The following ZPBP variants were observed in gnomAD, a reference collection of about 807,000 sequenced individuals.
ZPBP encodes zona pellucida-binding protein 1.
ZPBP carries 26 observed loss-of-function variants against 44.8 expected under a neutral mutation model. The ratio of observed to expected loss-of-function variants is 0.58; its 90% CI spans 0.43 to 0.81. The LOEUF (loss-of-function observed/expected upper bound fraction) is 0.81. ZPBP is among the 30% of genes least tolerant of loss of function. The probability of loss-of-function intolerance (pLI) is 0.00; values close to 1 mark genes in which losing one functional copy is unlikely to be tolerated. For missense variants in ZPBP, 409 were observed against 434.0 expected, an observed-to-expected ratio of 0.94 and a Z score of 0.51; for synonymous variants, 174 against 153.2, an observed-to-expected ratio of 1.14 and a Z score of -1.00.
intron 2 of ZPBP, among the ~76,000 whole-genome samples, chr7:49,869,841 G>C (rs947852797): frequency 9.9e-5 from 15 of 151,902 alleles, no homozygotes; most frequent in Admixed American, 7.9e-4. Flanking sequence ...AATCCAAAAC[G>C]GGAAGCTTAC....
chr7:49,860,532 G>A (rs1433654676), intron 2 of ZPBP, among the ~76,000 whole-genome samples: 2 of 152,208 alleles, frequency 1.3e-5, no homozygotes, highest in African/African-American at 4.8e-5. Context: ...TCCTATCTGT[G>A]TGGCCACTGT....
rs575867233 is a variant in ZPBP at position 49,929,934 on chromosome 7, T to G, written n.411+5817A>C. ...GTTCAACACTCATTCAAAGTCCTTG[T>G]CCCCTTTTAAATTATTTTTTCTATT... On this transcript the variant is annotated intron_variant and non_coding_transcript_variant, in intron 1 of 2. Coordinates refer to the ZPBP transcript ENST00000465922. 1.7e-4 allele frequency among the ~76,000 whole-genome samples: 26 copies of G among 152,350 alleles called. No homozygotes were observed. The South Asian group carries it at 5.4e-3, about 32-fold the overall frequency.
In ZPBP at chr7:49,952,349, G is replaced by A. The variant is rs185891991; in HGVS notation, c.962-14727C>T. 4.4e-4 allele frequency among the ~76,000 whole-genome samples: 67 copies of A among 151,916 alleles called. No individual in the cohort carries two copies. In the East Asian group the frequency reaches 5.6e-3, roughly 13 times the overall value. ...TCAATCATGCATAAAACAATAAATG[G>A]TTAAAAGCAGTGGATTTAATGAATG... On this transcript the variant is annotated intron_variant, in intron 7 of 7. Transcript: ENST00000046087.
At chr7:50,049,863 T>G (rs1800597314) in intron 4 of ZPBP, among the ~76,000 whole-genome samples, 2 of 151,970 alleles carry the variant, frequency 1.3e-5, no homozygotes. Context: ...AGATTCTGTC[T>G]CTGTGTCAAC....
intron 3 of ZPBP, among the ~76,000 whole-genome samples, chr7:50,062,273 C>T (rs1035182945): frequency 1.3e-5 from 2 of 152,164 alleles, no homozygotes; most frequent in African/African-American, 4.8e-5. Flanking sequence ...AGATTCAATG[C>T]TTTTCCTATC....
intron 7 of ZPBP, among the ~76,000 whole-genome samples, chr7:49,973,607 C>T (rs1403636849): frequency 1.3e-5 from 2 of 151,986 alleles, no homozygotes; most frequent in Non-Finnish European, 2.9e-5. Context: ...ATCAATTAGT[C>T]ATTAGAGAAA....
rs569193741 is a variant in ZPBP, at chr7:50,088,553, A to C, written c.208+1076T>G. ...ATATATAGAATATATAAAGAACTCT[A>C]TAATTCAACAACAAAAAGAAAACCA... On this transcript the variant is annotated intron_variant, in intron 2 of 7. Transcript: ENST00000046087. Among the ~76,000 whole-genome samples, 3 of 152,158 alleles carry C rather than the reference A, an allele frequency of 2.0e-5. No individual in the cohort carries two copies. The South Asian group carries it at 6.2e-4, about 32-fold the overall frequency.
At chr7:49,916,248 G>A (rs1340124111) in intron 1 of ZPBP, 1 of 152,190 alleles carries the variant, frequency 6.6e-6, no homozygotes, top group East Asian at 1.9e-4. Flanking sequence ...CAACATGGAA[G>A]ACTGGTGTCT....
intron 1 of ZPBP, among the ~76,000 whole-genome samples, chr7:49,910,954 G>A (rs983070699): frequency 6.6e-6 from 1 of 152,174 alleles, no homozygotes. Flanking sequence ...TGTAATGTAT[G>A]GGAAAGTTTG....
intron 3 of ZPBP, among the ~76,000 whole-genome samples, chr7:50,062,797 C>T (rs951700886): frequency 6.6e-6 from 1 of 150,786 alleles, no homozygotes; most frequent in African/African-American, 2.5e-5. Context: ...AATACCTTCT[C>T]TTAATAACAA....
At chr7:50,061,565 G>C (rs1801235701) in intron 3 of ZPBP, among the ~76,000 whole-genome samples, 1 of 152,094 alleles carries the variant, frequency 6.6e-6, no homozygotes, top group African/African-American at 2.4e-5. Context: ...GCCAGGCATA[G>C]TGGTGCATGC....
chr7:49,922,466 C>A (rs1794065144), intron 1 of ZPBP, among the ~76,000 whole-genome samples: 1 of 152,174 alleles, frequency 6.6e-6, no homozygotes, highest in Non-Finnish European at 1.5e-5. Flanking sequence ...TTAGAACAAT[C>A]CTTCTGCCAA....
intron 4 of ZPBP, among the ~76,000 whole-genome samples, chr7:50,035,181 T>G (rs1652059354): frequency 6.6e-6 from 1 of 152,228 alleles, no homozygotes. Context: ...GGCTCTTTGT[T>G]AAAATATTAT....
chr7:50,057,386 C>T (rs1801004278), intron 4 of ZPBP, among the ~76,000 whole-genome samples: 1 of 152,124 alleles, frequency 6.6e-6, no homozygotes, highest in South Asian at 2.1e-4. Flanking sequence ...TAAATTCTCC[C>T]ACCCTGAATC....
chr7:50,050,298 A>C (rs947829351), intron 4 of ZPBP, among the ~76,000 whole-genome samples: 1 of 152,102 alleles, frequency 6.6e-6, no homozygotes, highest in Non-Finnish European at 1.5e-5. Flanking sequence ...AACAAAGACT[A>C]TTCTTGAAAA....
At chr7:49,974,885 G>GC (rs1353192733) in intron 7 of ZPBP, among the ~76,000 whole-genome samples, 3 of 238 alleles carry the variant, frequency 0.013, no homozygotes, top group Admixed American at 0.036. Context: ...CTAGAGAAAT[G>GC]CCCCATTGAG....
At chr7:49,872,084 A>G (rs926513868) in intron 2 of ZPBP, among the ~76,000 whole-genome samples, 2 of 152,144 alleles carry the variant, frequency 1.3e-5, no homozygotes, top group African/African-American at 4.8e-5. Context: ...ATATATTTAA[A>G]GAACAGTATA....
intron 1 of ZPBP, among the ~76,000 whole-genome samples, chr7:49,929,643 T>G (rs778322466): frequency 3.3e-5 from 5 of 152,242 alleles, no homozygotes; most frequent in Non-Finnish European, 5.9e-5. Context: ...TTTAAATTAG[T>G]TACTCTATTC....
chr7:49,843,838 A>G, the ZPBP span, among the ~76,000 whole-genome samples: 155 of 152,326 alleles, frequency 1.0e-3, 1 homozygote, highest in African/African-American at 3.7e-3. Flanking sequence ...AGAAAACGCA[A>G]TCTGTCAGTT....
Sources: gnomAD v4.1 joint callset for allele counts (sites outside exome capture counted in the v4.1 genomes callset) on GRCh38, gnomAD v4.1.1 for gene constraint, MANE v1.5 for transcripts, NCBI Gene and HGNC (gene_info 2026-07-23, HGNC 2026-07-21) for gene names.